Variants in CAPN3 observed in about 807,000 individuals in gnomAD.
CAPN3 encodes calpain-3.
A neutral mutation model predicts 114.0 loss-of-function variants in CAPN3; 88 were observed. The ratio of observed to expected loss-of-function variants is 0.77; its 90% CI spans 0.65 to 0.92. CAPN3 has a LOEUF of 0.92. Ranked by LOEUF, CAPN3 falls within the 40% of genes least tolerant of loss-of-function variation. CAPN3 has a pLI of 0.00. For synonymous variants in CAPN3, 386 were observed against 382.9 expected, an observed-to-expected ratio of 1.01 and a Z score of -0.09; for missense variants, 1,028 against 1,069.0, an observed-to-expected ratio of 0.96 and a Z score of 0.53.
At chr15:42,368,484 C>T (rs1333168313) in intron 1 of CAPN3, among the ~76,000 whole-genome samples, 2 of 152,034 alleles carry the variant, frequency 1.3e-5, no homozygotes, top group East Asian at 3.9e-4. Context: ...ATTGAATCAT[C>T]AATCAATAAA....
Position 42,398,159 on chromosome 15 carries a change from G to T in CAPN3, c.1193+1282G>T, listed in dbSNP as rs147871256. The stretch of plus-strand genomic sequence containing the variant: ...GGTACATATGTACCCATATTTTGGG[G>T]GTACATATGATATTTTGATACACAT... On this transcript the variant is annotated intron_variant, in intron 9 of 23. Coordinates refer to ENST00000397163, the MANE Select transcript of CAPN3 (RefSeq NM_000070.3). Among the ~76,000 whole-genome samples, 914 of 148,558 alleles carry T rather than the reference G, an allele frequency of 6.2e-3. 9 individuals carry two copies. Among genetic ancestry groups the T allele is most frequent in the African/African-American group, 0.023 (883 of 38,490 alleles).
rs1555420508 is a variant in CAPN3 at position 42,387,891 on chromosome 15, G to A, written c.632+5G>A. On this transcript the variant is annotated splice_donor_5th_base_variant and intron_variant, in intron 4 of 23. Coordinates refer to ENST00000397163, the MANE Select transcript of CAPN3 (RefSeq NM_000070.3). ...GCTGGAGAAGGCTTATGCTAAGTAA[G>A]CAACACTTTAGAATGTGAGGTGGGG... is the stretch of plus-strand genomic sequence containing the variant. The A allele has an allele frequency of 6.2e-7, 1 of 1,614,174 alleles. No individual in the cohort carries two copies. The highest frequency in any genetic ancestry group is 1.1e-5 in the South Asian group (1 of 91,082).
intron 7 of CAPN3, among the ~76,000 whole-genome samples, chr15:42,393,974 C>T (rs925203690): frequency 6.6e-6 from 1 of 152,146 alleles, no homozygotes; most frequent in South Asian, 2.1e-4. Flanking sequence ...GCCTCACCTC[C>T]TCCCCCGAAG....
intron 1 of CAPN3, among the ~76,000 whole-genome samples, chr15:42,362,664 T>G (rs2052675625): frequency 6.6e-6 from 1 of 152,224 alleles, no homozygotes; most frequent in African/African-American, 2.4e-5. Flanking sequence ...AGAGTTGGAA[T>G]GATTCTTGGA....
rs796218837 is a variant in CAPN3 at position 42,359,814 on chromosome 15, C to T, written c.9C>T (p.Thr3=). MP[T]VISASVAPRT... ...TTCCAAAGCCACTTGCCATGCCGACCGTCATTAGCGCATCTGTGGCTCCAA... is the reference window on the plus strand; with the variant it reads ...TTCCAAAGCCACTTGCCATGCCGACTGTCATTAGCGCATCTGTGGCTCCAA... The change falls in exon 1 of 24, where the codon ACC becomes ACT. Residue 3 remains threonine, a synonymous_variant. Transcript: ENST00000397163. 10 of 1,613,514 alleles carry T rather than the reference C, an allele frequency of 6.2e-6. No individual in the cohort carries two copies. The highest frequency in any genetic ancestry group is 2.7e-5 in the African/African-American group (2 of 74,886).
chr15:42,378,842 T>G (rs149371357), intron 1 of CAPN3, among the ~76,000 whole-genome samples: 1,656 of 152,340 alleles, frequency 0.011, 26 homozygotes, highest in African/African-American at 0.037. Context: ...ATATTTTTAT[T>G]TTCACTTAGT....
chr15:42,362,292 G>A (rs2052665375), intron 1 of CAPN3, among the ~76,000 whole-genome samples: 1 of 152,182 alleles, frequency 6.6e-6, no homozygotes, highest in Admixed American at 6.5e-5. Flanking sequence ...TCAGAATGGG[G>A]AAAATTAAAA....
Position 42,384,478 on chromosome 15 carries a change from C to T in CAPN3, c.310-5C>T, listed in dbSNP as rs2053332557. ...TTACCTGGTCATTTCCTTTTTGTTT[C>T]ACAGGAAATTTGCGAGAATCCCCGA... On this transcript the variant is annotated splice_region_variant and splice_polypyrimidine_tract_variant and intron_variant, in intron 1 of 23. Coordinates refer to ENST00000397163, the MANE Select transcript of CAPN3 (RefSeq NM_000070.3). 2 of 1,607,402 alleles carry T rather than the reference C, an allele frequency of 1.2e-6. No homozygotes were observed. Among genetic ancestry groups the T allele is most frequent in the South Asian group, 2.2e-5 (2 of 90,968 alleles).
Position 42,402,890 on chromosome 15 carries a change from C to T in CAPN3, c.1633C>T (p.Gln545Ter), listed in dbSNP as rs960869788. 6.2e-7 allele frequency: 1 copy of T among 1,614,054 alleles called. No individual in the cohort carries two copies. The highest frequency in any genetic ancestry group is 8.5e-7 in the Non-Finnish European group (1 of 1,179,994). ...CTACATCAACATGCGGGAGGTGTCCCAGCGCTTCCGCCTGCCTCCCAGCGA... is the reference window on the plus strand; with the variant it reads ...CTACATCAACATGCGGGAGGTGTCCTAGCGCTTCCGCCTGCCTCCCAGCGA... ...KTYINMREVS[Q>*]RFRLPPSEYV... The change falls in exon 13 of 24, where the codon CAG becomes TAG. Residue 545 changes from glutamine (Q) to a stop codon, truncating the protein, a stop_gained. Transcript: ENST00000397163. LOFTEE classifies it high-confidence loss of function.
rs193257484 is a variant in CAPN3, at chr15:42,371,979, A to G, written c.309+11865A>G. 6.6e-5 allele frequency among the ~76,000 whole-genome samples: 10 copies of G among 150,522 alleles called. No homozygotes were observed. In the East Asian group the frequency reaches 1.9e-3, roughly 29 times the overall value. On this transcript the variant is annotated intron_variant, in intron 1 of 23. Transcript: ENST00000397163. ...ACTCCATCTTAAAAAAATTAAAAAA[A>G]AATCTTAAAAATTAAAAAAAAAAAG... is the stretch of plus-strand genomic sequence containing the variant.
chr15:42,360,064 CTCTTTT>C lies in CAPN3; in HGVS notation c.260_265del (p.Leu87_Tyr89delinsHis), dbSNP rs1566966076. 1 of 1,614,234 alleles carries C rather than the reference CTCTTTT, an allele frequency of 6.2e-7. No individual in the cohort carries two copies. The highest frequency in any genetic ancestry group is 1.7e-5 in the Admixed American group (1 of 60,028). On this transcript the variant is annotated inframe_deletion, in exon 1 of 24. Coordinates refer to ENST00000397163, the MANE Select transcript of CAPN3 (RefSeq NM_000070.3). ...TGAGTTCCCACCGGATGAGACCTCT[CTCTTTT>C]ATAGCCAGAAGTTCCCCATCCAGTT...
At chr15:42,391,024 C>T (rs1335061005) in intron 6 of CAPN3, among the ~76,000 whole-genome samples, 4 of 151,910 alleles carry the variant, frequency 2.6e-5, no homozygotes, top group African/African-American at 9.7e-5. Context: ...AACTCCTGAC[C>T]TCAAGTGATC....
chr15:42,412,092 T>G lies in CAPN3; in HGVS notation c.*319T>G, dbSNP rs1018354368. On this transcript the variant is annotated 3_prime_UTR_variant, in exon 24 of 24. Transcript: ENST00000397163. Reference sequence around the variant, plus strand: ...CCTGCTTACCTTGCTCTAGGCTGTCTGCAGAAGCACCTGCCGGTGGCACTC... The same window carrying G: ...CCTGCTTACCTTGCTCTAGGCTGTCGGCAGAAGCACCTGCCGGTGGCACTC... 1.3e-6 allele frequency: 2 copies of G among 1,535,180 alleles called. No homozygotes were observed. Among genetic ancestry groups the G allele is most frequent in the Non-Finnish European group, 1.7e-6 (2 of 1,146,692 alleles).
chr15:42,380,888 G>T (rs2053235435), intron 1 of CAPN3, among the ~76,000 whole-genome samples: 1 of 150,518 alleles, frequency 6.6e-6, no homozygotes, highest in Non-Finnish European at 1.5e-5. Context: ...ACGGCACCCG[G>T]CCTTATCTCC....
chr15:42,400,574 T>TAA (rs111623717), intron 10 of CAPN3, among the ~76,000 whole-genome samples: 1 of 141,284 alleles, frequency 7.1e-6, no homozygotes, highest in African/African-American at 2.6e-5. Flanking sequence ...TTACAAAAAA[T>TAA]AAAAAAAAAA....
rs962051814 is a variant in CAPN3 at position 42,378,036 on chromosome 15, C to G, written c.310-6447C>G. ...GGAGTCTGTCCTGCAGACCCCAGCT[C>G]GTGCGACGGATGAATAACATACCAA... On this transcript the variant is annotated intron_variant, in intron 1 of 23. Transcript: ENST00000397163. Among the ~76,000 whole-genome samples the G allele has an allele frequency of 2.0e-5, 3 of 152,134 alleles. No homozygotes were observed. The East Asian group carries it at 5.8e-4, about 29-fold the overall frequency.
At chr15:42,375,318 C>G (rs1015029097) in intron 1 of CAPN3, among the ~76,000 whole-genome samples, 14 of 152,056 alleles carry the variant, frequency 9.2e-5, no homozygotes, top group Admixed American at 5.9e-4. Flanking sequence ...CTTGTTCATT[C>G]ATGTGCTGTC....
chr15:42,380,747 A>ATTTTT (rs1463608972), intron 1 of CAPN3, among the ~76,000 whole-genome samples: 19 of 58,510 alleles, frequency 3.2e-4, no homozygotes, highest in African/African-American at 1.5e-3. Flanking sequence ...ATATATATAT[A>ATTTTT]TATATTTTTT....
chr15:42,378,103 G>T (rs187600723), intron 1 of CAPN3, among the ~76,000 whole-genome samples: 59 of 152,158 alleles, frequency 3.9e-4, no homozygotes, highest in Non-Finnish European at 6.0e-4. Flanking sequence ...GGTCCAAGCC[G>T]CTCACAGATA....
Sources: allele counts gnomAD v4.1 joint callset (sites outside exome capture counted in the v4.1 genomes callset), GRCh38; gene constraint gnomAD v4.1.1; transcripts MANE v1.5; gene names NCBI Gene and HGNC (gene_info 2026-07-23, HGNC 2026-07-21).